MAMLD1: variants seen among roughly 807,000 people sequenced by gnomAD.
MAMLD1 encodes mastermind-like domain-containing protein 1.
A neutral mutation model predicts 45.0 loss-of-function variants in MAMLD1; 14 were observed. The ratio of observed to expected loss-of-function variants is 0.31; its 90% CI spans 0.21 to 0.49. MAMLD1 has a LOEUF of 0.49. MAMLD1 is among the 20% of genes least tolerant of loss of function. The pLI is 0.99. For missense variants in MAMLD1, 543 were observed against 603.6 expected (o/e 0.90, Z 1.05); for synonymous variants, 254 against 247.8 (o/e 1.02, Z -0.24).
intron 5 of MAMLD1, among the ~76,000 whole-genome samples, chrX:150,476,684 C>T (rs781993851): frequency 8.9e-6 from 1 of 112,627 alleles, no homozygotes; most frequent in East Asian, 2.8e-4. Flanking sequence ...GAGAAATAGA[C>T]CAAGGAGGCA....
chrX:150,461,985 G>A (rs1449512833), intron 2 of MAMLD1, among the ~76,000 whole-genome samples: 1 of 112,205 alleles, frequency 8.9e-6, no homozygotes, highest in Non-Finnish European at 1.9e-5. Context: ...CCTAGGACAG[G>A]CCATACCCGG....
chrX:150,474,018 G>T (rs1749280910), intron 5 of MAMLD1, among the ~76,000 whole-genome samples: 1 of 111,949 alleles, frequency 8.9e-6, no homozygotes, highest in Non-Finnish European at 1.9e-5. Context: ...CAATAAAGGG[G>T]GCAAGCGACT....
In MAMLD1 at chrX:150,513,675, C is replaced by T; in HGVS notation, c.*1716C>T. 3.4e-6 allele frequency: 1 copy of T among 296,206 alleles called. No individual in the cohort carries two copies. Among genetic ancestry groups the T allele is most frequent in the East Asian group, 4.8e-5 (1 of 21,013 alleles). 24.4% of individuals were successfully genotyped at this position (296,206 alleles called of 1,213,427 possible). ...GAAGCCGTTTTATCGTTAAGTGCCC[C>T]ACAGAGACACTTTACCAGGAGGCTG... On this transcript the variant is annotated 3_prime_UTR_variant, in exon 8 of 8. Coordinates refer to ENST00000370401, the MANE Select transcript of MAMLD1 (RefSeq NM_005491.5).
intron 1 of MAMLD1, among the ~76,000 whole-genome samples, chrX:150,403,940 A>AAAAGAAAG (rs1167882848): frequency 0.15 from 8,983 of 58,682 alleles, 770 homozygotes; most frequent in Non-Finnish European, 0.17. Flanking sequence ...AGAAAGAAAG[A>AAAAGAAAG]AAAGAAAGAA....
At chrX:150,494,987 C>T (rs1392190911) in intron 5 of MAMLD1, among the ~76,000 whole-genome samples, 1 of 112,013 alleles carries the variant, frequency 8.9e-6, no homozygotes, top group Non-Finnish European at 1.9e-5. Context: ...AGGCAGATCA[C>T]CTGAGGTCAG....
intron 6 of MAMLD1, chrX:150,504,155 T>C (rs1435240976): frequency 1.3e-6 from 1 of 754,083 alleles, no homozygotes; most frequent in Non-Finnish European, 1.6e-6. Context: ...CTCTAGATTC[T>C]AGAGTCTAGA....
chrX:150,375,481 C>T (rs1176665321), intron 1 of MAMLD1, among the ~76,000 whole-genome samples: 2 of 112,469 alleles, frequency 1.8e-5, no homozygotes, highest in African/African-American at 3.2e-5. Flanking sequence ...GAGGCTGCCA[C>T]GCATTTGCAG....
intron 3 of MAMLD1, among the ~76,000 whole-genome samples, chrX:150,468,671 T>C (rs1204554853): frequency 9.0e-6 from 1 of 111,484 alleles, no homozygotes; most frequent in African/African-American, 3.3e-5. Flanking sequence ...CTTTGCTTTG[T>C]TCCCAAAGGC....
chrX:150,465,075 C>T (rs2036175636), intron 3 of MAMLD1, among the ~76,000 whole-genome samples: 1 of 112,140 alleles, frequency 8.9e-6, no homozygotes, highest in African/African-American at 3.3e-5. Flanking sequence ...TCCTGGTTAC[C>T]TTTGACCTCC....
intron 1 of MAMLD1, among the ~76,000 whole-genome samples, chrX:150,425,539 T>C (rs781993664): frequency 7.1e-5 from 8 of 112,149 alleles, no homozygotes; most frequent in African/African-American, 2.6e-4. Flanking sequence ...ATTGCTAAGC[T>C]CACTTGTGCT....
At chrX:150,506,030 A>G (rs1383449384) in intron 6 of MAMLD1, among the ~76,000 whole-genome samples, 4 of 112,353 alleles carry the variant, frequency 3.6e-5, no homozygotes, top group Non-Finnish European at 7.5e-5. Flanking sequence ...TCTTCCTGTC[A>G]TTGCAAAGGG....
At position 150,383,095 on chromosome X, in the gene MAMLD1, G is replaced by A. The variant is rs1459544402; in HGVS notation, c.-64+19565G>A. Among the ~76,000 whole-genome samples the A allele has an allele frequency of 2.7e-4, 11 of 41,461 alleles. 2 individuals are homozygous for A. The highest frequency in any genetic ancestry group is 1.8e-3 in the Admixed American group (10 of 5,435). 36.0% of individuals were successfully genotyped at this position (41,461 alleles called of 115,157 possible). On this transcript the variant is annotated intron_variant, in intron 1 of 7. Coordinates refer to ENST00000370401, the MANE Select transcript of MAMLD1 (RefSeq NM_005491.5). Reference sequence around the variant, plus strand: ...AATTTCTTGTATTTTTAGTAGAGACGGGGTTTCACCGTGTTAGCCAGGATG... The same window carrying A: ...AATTTCTTGTATTTTTAGTAGAGACAGGGTTTCACCGTGTTAGCCAGGATG...
At chrX:150,394,609 A>AT (rs1232869467) in intron 1 of MAMLD1, among the ~76,000 whole-genome samples, 2 of 110,983 alleles carry the variant, frequency 1.8e-5, no homozygotes, top group African/African-American at 6.5e-5. Context: ...TAGTTCTTTG[A>AT]TTTTTTCATC....
Position 150,398,343 on chromosome X carries a change from G to GAAGAAGAAGAA in MAMLD1, c.-64+34813_-64+34814insAAGAAGAAGAA, listed in dbSNP as rs1569564636. Among the ~76,000 whole-genome samples, 48 of 56,459 alleles carry GAAGAAGAAGAA rather than the reference G, an allele frequency of 8.5e-4. 4 individuals carry two copies. The highest frequency in any genetic ancestry group is 3.3e-3 in the East Asian group (6 of 1,818). The allele number at this position is 56,459 out of a possible 115,157, so 49.0% of individuals were successfully genotyped here. On this transcript the variant is annotated intron_variant, in intron 1 of 7. Coordinates refer to ENST00000370401, the MANE Select transcript of MAMLD1 (RefSeq NM_005491.5). ...AAGAAGAAGAAGAAGAAGAAGAAGA[G>GAAGAAGAAGAA]GAAGAGGAAGAGGAAGAGGAAGAGG...
intron 1 of MAMLD1, among the ~76,000 whole-genome samples, chrX:150,372,467 A>C (rs1376835092): frequency 8.9e-6 from 1 of 111,877 alleles, no homozygotes; most frequent in Non-Finnish European, 1.9e-5. Context: ...GCAGTTGCCA[A>C]CGTCACATGG....
intron 1 of MAMLD1, among the ~76,000 whole-genome samples, chrX:150,365,593 C>G (rs182014599): frequency 8.8e-6 from 1 of 113,328 alleles, no homozygotes; most frequent in Non-Finnish European, 1.9e-5. Flanking sequence ...TCGCGCCCGC[C>G]GGTGGCTAAG....
intron 2 of MAMLD1, among the ~76,000 whole-genome samples, chrX:150,456,113 G>A (rs1557405328): frequency 9.0e-6 from 1 of 111,053 alleles, no homozygotes; most frequent in East Asian, 2.8e-4. Flanking sequence ...AGTGTGAAGA[G>A]CTGAAGTGAT....
intron 1 of MAMLD1, among the ~76,000 whole-genome samples, chrX:150,390,161 G>C (rs1441736437): frequency 9.0e-6 from 1 of 111,408 alleles, no homozygotes; most frequent in Non-Finnish European, 1.9e-5. Context: ...AAACTCCTGG[G>C]CTCAAGTGAT....
At chrX:150,403,047 T>G (rs1425245430) in intron 1 of MAMLD1, among the ~76,000 whole-genome samples, 1 of 108,625 alleles carries the variant, frequency 9.2e-6, no homozygotes, top group Non-Finnish European at 1.9e-5. Flanking sequence ...ATTGTGCACA[T>G]GTACCCTAAA....
Sources: allele counts gnomAD v4.1 joint callset (sites outside exome capture counted in the v4.1 genomes callset), GRCh38; gene constraint gnomAD v4.1.1; transcripts MANE v1.5; gene names NCBI Gene and HGNC (gene_info 2026-07-23, HGNC 2026-07-21).